Variants in KLHL1 observed in about 807,000 individuals in gnomAD.
KLHL1 encodes kelch-like protein 1.
Under a neutral mutation model 77.7 loss-of-function variants are expected in KLHL1, and 47 were observed. The ratio of observed to expected loss-of-function variants is 0.60; its 90% CI spans 0.48 to 0.77. The LOEUF (loss-of-function observed/expected upper bound fraction) is 0.77, where lower values mean the gene tolerates loss of function less well. Ranked by LOEUF, KLHL1 falls within the 30% of genes least tolerant of loss-of-function variation. The pLI, the probability that KLHL1 is intolerant of heterozygous loss-of-function variation, is 0.00. For missense variants in KLHL1, 925 were observed against 910.8 expected, an observed-to-expected ratio of 1.02 and a Z score of -0.20; for synonymous variants, 360 against 325.2, an observed-to-expected ratio of 1.11 and a Z score of -1.15.
chr13:69,909,626 C>A (rs1247502973), intron 4 of KLHL1, among the ~76,000 whole-genome samples: 4 of 151,664 alleles, frequency 2.6e-5, no homozygotes, highest in Non-Finnish European at 5.9e-5. Context: ...TAATTTAGAT[C>A]AATAAAATTC....
chr13:69,802,686 G>A (rs551531360), intron 6 of KLHL1, among the ~76,000 whole-genome samples: 38 of 151,192 alleles, frequency 2.5e-4, no homozygotes, highest in Admixed American at 8.6e-4. Flanking sequence ...CCCCAGTCCC[G>A]TACCCCCTGC....
chr13:70,074,334 T>G (rs1887209976), intron 1 of KLHL1, among the ~76,000 whole-genome samples: 1 of 152,038 alleles, frequency 6.6e-6, no homozygotes, highest in South Asian at 2.1e-4. Context: ...CTCTATAATC[T>G]CGGATCTAAG....
At chr13:70,073,664 C>G (rs1478084778) in intron 1 of KLHL1, among the ~76,000 whole-genome samples, 1 of 151,988 alleles carries the variant, frequency 6.6e-6, no homozygotes, top group Non-Finnish European at 1.5e-5. Context: ...GTGTTCTTAG[C>G]TGCTTGGGAT....
intron 5 of KLHL1, among the ~76,000 whole-genome samples, chr13:69,879,428 T>C (rs1034426206): frequency 2.0e-5 from 3 of 152,236 alleles, no homozygotes; most frequent in East Asian, 3.9e-4. Flanking sequence ...CTATCTTCTC[T>C]TGGTAGCAAC....
rs573980621 is a variant in KLHL1, at chr13:69,998,406, G to A, written c.498-22604C>T. Among the ~76,000 whole-genome samples, 6 of 152,150 alleles carry A rather than the reference G, an allele frequency of 3.9e-5. No homozygotes were observed. The South Asian group carries it at 1.2e-3, about 32-fold the overall frequency. ...CTTCAACTTCCAATAAACATTGTCT[G>A]AGAGTCATCTCCTAAGAGAGAATGG... On this transcript the variant is annotated intron_variant, in intron 1 of 10. Transcript: ENST00000377844.
intron 7 of KLHL1, among the ~76,000 whole-genome samples, chr13:69,791,238 AAAAT>A (rs1168299637): frequency 1.3e-5 from 2 of 152,066 alleles, no homozygotes; most frequent in African/African-American, 4.8e-5. Context: ...AATAATATCA[AAAAT>A]AAATTATTTA....
In KLHL1 at chr13:69,710,862, G is replaced by A. The variant is rs1427533551; in HGVS notation, c.2016-3066C>T. Reference sequence around the variant, plus strand: ...GGGTGTGGGGTCTTACTGTATTTAGGCTGTCTGCCTTTCCTGCATCTTACC... The same window carrying A: ...GGGTGTGGGGTCTTACTGTATTTAGACTGTCTGCCTTTCCTGCATCTTACC... On this transcript the variant is annotated intron_variant, in intron 9 of 10. Coordinates refer to ENST00000377844, the MANE Select transcript of KLHL1 (RefSeq NM_020866.3). 2.0e-5 allele frequency among the ~76,000 whole-genome samples: 3 copies of A among 151,746 alleles called. No individual in the cohort carries two copies. In the East Asian group the frequency reaches 5.8e-4, roughly 29 times the overall value.
intron 2 of KLHL1, among the ~76,000 whole-genome samples, chr13:69,970,673 A>T (rs1423550562): frequency 2.6e-5 from 4 of 152,150 alleles, no homozygotes; most frequent in African/African-American, 9.7e-5. Context: ...CTGACTAAGA[A>T]TCAGGATAAA....
intron 6 of KLHL1, among the ~76,000 whole-genome samples, chr13:69,836,897 T>C (rs1383725509): frequency 6.6e-6 from 1 of 151,924 alleles, no homozygotes; most frequent in African/African-American, 2.4e-5. Flanking sequence ...AATATATCAG[T>C]ATTCATTATT....
chr13:70,063,487 T>C (rs1021531531), intron 1 of KLHL1, among the ~76,000 whole-genome samples: 6 of 152,128 alleles, frequency 3.9e-5, no homozygotes, highest in Non-Finnish European at 7.4e-5. Context: ...ATTTCACTCA[T>C]ACTCTAATAT....
At chr13:69,981,059 A>C (rs1884689861) in intron 1 of KLHL1, among the ~76,000 whole-genome samples, 1 of 152,194 alleles carries the variant, frequency 6.6e-6, no homozygotes, top group African/African-American at 2.4e-5. Context: ...TGCCTGGCAC[A>C]CAGATTTAGT....
At chr13:69,796,382 T>C (rs1273633763) in intron 7 of KLHL1, among the ~76,000 whole-genome samples, 2 of 152,176 alleles carry the variant, frequency 1.3e-5, no homozygotes, top group African/African-American at 4.8e-5. Context: ...GGCTTGGTGC[T>C]GTCCTCATGG....
At chr13:69,814,197 G>GA (rs1358319251) in intron 6 of KLHL1, among the ~76,000 whole-genome samples, 1 of 152,052 alleles carries the variant, frequency 6.6e-6, no homozygotes, top group Non-Finnish European at 1.5e-5. Flanking sequence ...ACCATACGCA[G>GA]AAAAATGAAA....
In KLHL1 at chr13:69,859,846, T is replaced by G. The variant is rs567814127; in HGVS notation, c.1228-20684A>C. Among the ~76,000 whole-genome samples, 14 of 152,226 alleles carry G rather than the reference T, an allele frequency of 9.2e-5. No homozygotes were observed. The South Asian group carries it at 2.9e-3, about 32-fold the overall frequency. On this transcript the variant is annotated intron_variant, in intron 5 of 10. Coordinates refer to ENST00000377844, the MANE Select transcript of KLHL1 (RefSeq NM_020866.3). ...TTGCATAGGCAAATCTAGTGTCAAC[T>G]TCAGGTAAGTTTAAGCTAAGTGATC...
chr13:69,810,135 G>A (rs2138060633), intron 6 of KLHL1, among the ~76,000 whole-genome samples: 1 of 152,172 alleles, frequency 6.6e-6, no homozygotes, highest in Middle Eastern at 3.4e-3. Context: ...AGATTGTTGA[G>A]GCAGAAAACT....
intron 5 of KLHL1, among the ~76,000 whole-genome samples, chr13:69,872,169 C>T (rs919353588): frequency 1.3e-5 from 2 of 152,142 alleles, no homozygotes; most frequent in South Asian, 4.1e-4. Flanking sequence ...TGTCTGCTTC[C>T]ACTCATGGCA....
At chr13:69,933,774 A>G (rs983387420) in intron 4 of KLHL1, among the ~76,000 whole-genome samples, 2 of 151,980 alleles carry the variant, frequency 1.3e-5, no homozygotes, top group Non-Finnish European at 2.9e-5. Context: ...TACTGGTAGC[A>G]CCGGACAGAA....
At chr13:69,775,013 G>A (rs921952233) in intron 7 of KLHL1, among the ~76,000 whole-genome samples, 1 of 152,110 alleles carries the variant, frequency 6.6e-6, no homozygotes, top group Non-Finnish European at 1.5e-5. Context: ...ACTTTAATCT[G>A]TATTAAATCT....
chr13:69,712,174 A>T (rs141281167), intron 9 of KLHL1, among the ~76,000 whole-genome samples: 8 of 152,120 alleles, frequency 5.3e-5, no homozygotes, highest in African/African-American at 1.4e-4. Flanking sequence ...TACCCTCTAA[A>T]TGGTATCTTC....
Sources: allele counts gnomAD v4.1 joint callset (sites outside exome capture counted in the v4.1 genomes callset), GRCh38; gene constraint gnomAD v4.1.1; transcripts MANE v1.5; gene names NCBI Gene and HGNC (gene_info 2026-07-23, HGNC 2026-07-21).